PPP2R5C: variants seen among roughly 807,000 people sequenced by gnomAD.
The protein encoded by PPP2R5C is protein phosphatase 2 regulatory subunit B'gamma, also known as serine/threonine-protein phosphatase 2A 56 kDa regulatory subunit gamma isoform.
A neutral mutation model predicts 68.9 loss-of-function variants in PPP2R5C; 7 were observed. The ratio of observed to expected loss-of-function variants is 0.10; its 90% CI spans 0.06 to 0.19. The LOEUF (loss-of-function observed/expected upper bound fraction) is 0.19. Among genes scored for constraint, PPP2R5C ranks in the 10% least tolerant of loss-of-function variants. The probability of loss-of-function intolerance (pLI) is 1.00; values close to 1 mark genes in which losing one functional copy is unlikely to be tolerated. For synonymous variants in PPP2R5C, 210 were observed against 222.2 expected (o/e 0.95, Z 0.49); for missense variants, 348 against 641.3 (o/e 0.54, Z 4.94).
chr14:101,810,252 G>A (rs1031707635), intron 1 of PPP2R5C: 5 of 508,598 alleles, frequency 9.8e-6, no homozygotes, highest in African/African-American at 7.9e-5. Flanking sequence ...TGCATGCATA[G>A]TTCAAAGCTG....
intron 2 of PPP2R5C, among the ~76,000 whole-genome samples, chr14:101,785,678 G>A (rs770587317): frequency 3.1e-4 from 47 of 152,122 alleles, no homozygotes; most frequent in Non-Finnish European, 5.1e-4. Context: ...AGTCCCTGTC[G>A]CCAAGCAAGG....
rs545903179 is a variant in PPP2R5C at position 101,762,875 on chromosome 14, G to A, written c.28-30G>A. On this transcript the variant is annotated intron_variant, in intron 1 of 14. Coordinates refer to the PPP2R5C transcript ENST00000328724. ...TGTTTACCTGTCTAAAAAGTGAGAA[G>A]ACTAATTGACTTTGCTTGATGTTTA... 7 of 1,558,428 alleles carry A rather than the reference G, an allele frequency of 4.5e-6. No homozygotes were observed. In the South Asian group the frequency reaches 5.9e-5, roughly 13 times the overall value.
At chr14:101,838,385 G>T (rs1324232372) in intron 1 of PPP2R5C, among the ~76,000 whole-genome samples, 3 of 152,180 alleles carry the variant, frequency 2.0e-5, no homozygotes, top group African/African-American at 4.8e-5. Flanking sequence ...TTTGTAGTTT[G>T]TTTGCTTATT....
intron 1 of PPP2R5C, chr14:101,839,382 C>G (rs1158962912): frequency 6.6e-6 from 1 of 152,100 alleles, no homozygotes; most frequent in East Asian, 1.9e-4. Context: ...TTTCCAGAGT[C>G]AAGTTACGTG....
exon 1 of PPP2R5C, chr14:101,810,028 A>G (rs1203448993): frequency 6.2e-7 from 1 of 1,613,582 alleles, no homozygotes; most frequent in Admixed American, 1.7e-5. Flanking sequence ...GTCCTTCTCC[A>G]TATTCGAGGT....
At chr14:101,847,296 T>C (rs969462405) in intron 1 of PPP2R5C, among the ~76,000 whole-genome samples, 2 of 152,242 alleles carry the variant, frequency 1.3e-5, no homozygotes, top group Non-Finnish European at 2.9e-5. Flanking sequence ...TTGAAGATAC[T>C]GTCTTTTGAG....
chr14:101,842,301 C>T (rs1021084684), intron 1 of PPP2R5C, among the ~76,000 whole-genome samples: 6 of 152,150 alleles, frequency 3.9e-5, no homozygotes, highest in Admixed American at 1.3e-4. Context: ...AGAAAGCGAT[C>T]GAAAGCCAAG....
chr14:101,780,633 T>G (rs1259017584), intron 2 of PPP2R5C, among the ~76,000 whole-genome samples: 1 of 152,266 alleles, frequency 6.6e-6, no homozygotes, highest in East Asian at 1.9e-4. Flanking sequence ...TGCTTTTGGT[T>G]AACACACTCC....
intron 2 of PPP2R5C, among the ~76,000 whole-genome samples, chr14:101,777,752 A>G (rs1237534990): frequency 1.3e-5 from 2 of 152,120 alleles, no homozygotes; most frequent in Non-Finnish European, 2.9e-5. Context: ...AAGGGTTCCA[A>G]TTGTAGTTCC....
intron 7 of PPP2R5C, among the ~76,000 whole-genome samples, chr14:101,893,344 A>G (rs1042127363): frequency 6.6e-6 from 1 of 152,234 alleles, no homozygotes; most frequent in African/African-American, 2.4e-5. Context: ...TTGAGAAAGG[A>G]GTAACTCTCT....
At chr14:101,900,292 T>A (rs1427172944) in intron 8 of PPP2R5C, among the ~76,000 whole-genome samples, 1 of 152,226 alleles carries the variant, frequency 6.6e-6, no homozygotes. Flanking sequence ...TTTTTCTAAA[T>A]GGATGTTAAA....
rs2044933159 is a variant in PPP2R5C, at chr14:101,891,633, C to T, written c.689+1337C>T. 6.6e-6 allele frequency among the ~76,000 whole-genome samples: 1 copy of T among 152,164 alleles called. No homozygotes were observed. The stretch of plus-strand genomic sequence containing the variant: ...GTGTGCATAGGGCCGCCGGGCAGCT[C>T]CCGCCGAGAGGCTGATTAGTTTTAT... On this transcript the variant is annotated intron_variant, in intron 6 of 13. Coordinates refer to ENST00000334743, the Ensembl canonical transcript of PPP2R5C. This position sits in a 1 kb window ranked among gnomAD's most constrained non-coding sequence, Gnocchi z 4.9.
upstream of PPP2R5C, among the ~76,000 whole-genome samples, chr14:101,760,981 A>G (rs1050869796): frequency 1.5e-5 from 1 of 64,586 alleles, no homozygotes; most frequent in Non-Finnish European, 3.1e-5. Flanking sequence ...AGGGGAGGGG[A>G]GGGCAGGGGA....
intron 9 of PPP2R5C, among the ~76,000 whole-genome samples, chr14:101,905,068 G>A (rs1319066893): frequency 2.0e-5 from 3 of 152,202 alleles, no homozygotes; most frequent in Non-Finnish European, 4.4e-5. Flanking sequence ...TAATAAAAAT[G>A]GGGGGCTGAG....
At chr14:101,779,018 C>T (rs2037549917) in intron 2 of PPP2R5C, among the ~76,000 whole-genome samples, 1 of 152,054 alleles carries the variant, frequency 6.6e-6, no homozygotes, top group Non-Finnish European at 1.5e-5. Context: ...TGTGGTTGTG[C>T]AATTGCACTC....
chr14:101,880,745 G>A (rs970050055), intron 2 of PPP2R5C, among the ~76,000 whole-genome samples: 6 of 152,080 alleles, frequency 3.9e-5, no homozygotes, highest in Non-Finnish European at 7.4e-5. Flanking sequence ...TGCAGTGAGC[G>A]ATGATGGCCA....
intron 9 of PPP2R5C, among the ~76,000 whole-genome samples, chr14:101,905,530 G>A (rs1399263768): frequency 4.0e-5 from 6 of 151,838 alleles, no homozygotes; most frequent in South Asian, 2.1e-4. Flanking sequence ...GGTGGCGTGC[G>A]CCTGTAATCC....
chr14:101,802,816 G>A lies in PPP2R5C; in HGVS notation c.259+16633G>A, dbSNP rs560651070. Among the ~76,000 whole-genome samples the A allele has an allele frequency of 5.1e-4, 77 of 152,168 alleles. 1 individual carries two copies. Among genetic ancestry groups the A allele is most frequent in the African/African-American group, 1.7e-3 (72 of 41,506 alleles). On this transcript the variant is annotated intron_variant, in intron 3 of 14. Transcript: ENST00000328724. Reference sequence around the variant, plus strand: ...TTTAAATGTGTGAAATACTTAAATAGACGTTTCTCCAAAGAATATAATATC... The same window carrying A: ...TTTAAATGTGTGAAATACTTAAATAAACGTTTCTCCAAAGAATATAATATC...
At chr14:101,920,306 G>A (rs1482547257) in intron 13 of PPP2R5C, among the ~76,000 whole-genome samples, 5 of 152,186 alleles carry the variant, frequency 3.3e-5, no homozygotes, top group Admixed American at 1.3e-4. Context: ...AAAGGGGCAC[G>A]TCCCCTCCTG....
Sources: gnomAD v4.1 joint callset for allele counts (sites outside exome capture counted in the v4.1 genomes callset) on GRCh38, gnomAD v4.1.1 for gene constraint, Gnocchi (gnomAD v3.1) non-coding constraint, MANE v1.5 for transcripts, NCBI Gene and HGNC (gene_info 2026-07-23, HGNC 2026-07-21) for gene names.